Variants in ZFHX3 observed in about 807,000 individuals in gnomAD.
ZFHX3 encodes zinc finger homeobox 3, also known as zinc finger homeobox protein 3.
In ZFHX3, 42 loss-of-function variants were observed where a neutral mutation model predicts 279.1. That is an observed-to-expected ratio of 0.15 (90% confidence interval 0.12 to 0.19). The LOEUF is 0.19. ZFHX3 is among the 10% of genes least tolerant of loss of function. The pLI is 1.00. For synonymous variants in ZFHX3, 2,293 were observed against 1,957.8 expected (o/e 1.17, Z -4.52); for missense variants, 4,981 against 4,754.0 (o/e 1.05, Z -1.40).
At chr16:73,246,184 C>A (rs186646221) in intron 5 of ZFHX3, among the ~76,000 whole-genome samples, 1 of 152,054 alleles carries the variant, frequency 6.6e-6, no homozygotes, top group Non-Finnish European at 1.5e-5. Flanking sequence ...GATTCCAAGC[C>A]GCAGAGTTGT....
intron 4 of ZFHX3, among the ~76,000 whole-genome samples, chr16:72,851,144 G>A (rs980064457): frequency 1.3e-5 from 2 of 152,144 alleles, no homozygotes; most frequent in Non-Finnish European, 1.5e-5. Context: ...CAGTACGGAG[G>A]AGAGGAGAGT....
chr16:73,226,793 T>C (rs1215473572), intron 5 of ZFHX3, among the ~76,000 whole-genome samples: 2 of 152,212 alleles, frequency 1.3e-5, no homozygotes, highest in Non-Finnish European at 2.9e-5. Context: ...ATGGCTTTGA[T>C]TGCACTGTTC....
chr16:73,294,373 C>T (rs1366043741), intron 4 of ZFHX3: 2 of 152,228 alleles, frequency 1.3e-5, no homozygotes. Context: ...GCCCCTCTCC[C>T]CCAGGATGGA....
intron 1 of ZFHX3, among the ~76,000 whole-genome samples, chr16:73,882,295 T>C (rs948682938): frequency 1.3e-5 from 2 of 152,034 alleles, no homozygotes; most frequent in Non-Finnish European, 2.9e-5. Flanking sequence ...TCAGTGTGGC[T>C]GGAGTTGGAC....
intron 2 of ZFHX3, among the ~76,000 whole-genome samples, chr16:73,603,772 C>CT (rs11459049): frequency 0.22 from 23,478 of 105,170 alleles, 4,105 homozygotes; most frequent in African/African-American, 0.44. Context: ...AAAAAATACG[C>CT]TTTTTTTTTT....
At chr16:72,857,836 T>C (rs571581559) in intron 4 of ZFHX3, among the ~76,000 whole-genome samples, 1 of 152,198 alleles carries the variant, frequency 6.6e-6, no homozygotes, top group African/African-American at 2.4e-5. Flanking sequence ...ACTCTGAAGG[T>C]TGTATAATTC....
intron 1 of ZFHX3, among the ~76,000 whole-genome samples, chr16:73,861,482 T>C (rs957187292): frequency 3.3e-5 from 5 of 152,180 alleles, no homozygotes; most frequent in African/African-American, 7.2e-5. Context: ...AATGTGTTCA[T>C]TGAGGAAGCT....
intron 1 of ZFHX3, among the ~76,000 whole-genome samples, chr16:73,831,573 G>A (rs1960998672): frequency 6.6e-6 from 1 of 152,238 alleles, no homozygotes. Context: ...AGATTCTGCA[G>A]CCTCTCACAG....
intron 1 of ZFHX3, among the ~76,000 whole-genome samples, chr16:73,680,691 C>G (rs1178720532): frequency 6.6e-6 from 1 of 152,098 alleles, no homozygotes; most frequent in Non-Finnish European, 1.5e-5. Context: ...GACAGAGGTC[C>G]TAAGTTGAGG....
intron 2 of ZFHX3, among the ~76,000 whole-genome samples, chr16:73,536,772 G>C (rs1309432604): frequency 3.3e-5 from 5 of 152,104 alleles, no homozygotes; most frequent in Admixed American, 6.5e-5. Flanking sequence ...CGAGAGTCCG[G>C]ATTTGTCAGA....
intron 1 of ZFHX3, among the ~76,000 whole-genome samples, chr16:73,703,383 G>C (rs914275481): frequency 1.3e-5 from 2 of 150,222 alleles, no homozygotes; most frequent in Non-Finnish European, 3.0e-5. Context: ...CCCACCTAAA[G>C]AAAAAAATGA....
intron 2 of ZFHX3, among the ~76,000 whole-genome samples, chr16:73,508,408 T>C (rs1467390765): frequency 6.6e-6 from 1 of 152,118 alleles, no homozygotes; most frequent in Non-Finnish European, 1.5e-5. Flanking sequence ...GGAGCAGCAA[T>C]AAGCATGTTC....
At chr16:72,915,914 C>T (rs1338789502) in intron 3 of ZFHX3, among the ~76,000 whole-genome samples, 3 of 152,370 alleles carry the variant, frequency 2.0e-5, no homozygotes, top group South Asian at 2.1e-4. Context: ...ATCACCCACT[C>T]TAGACGTAAC....
chr16:73,849,554 T>C (rs900153403), intron 1 of ZFHX3, among the ~76,000 whole-genome samples: 1 of 152,218 alleles, frequency 6.6e-6, no homozygotes, highest in African/African-American at 2.4e-5. Flanking sequence ...TGGGAATGAT[T>C]ATGAAATGAG....
intron 8 of ZFHX3, among the ~76,000 whole-genome samples, chr16:73,076,903 A>G (rs1397940388): frequency 6.6e-6 from 1 of 152,122 alleles, no homozygotes; most frequent in Non-Finnish European, 1.5e-5. Flanking sequence ...GCACACACAC[A>G]CACACACGAC....
intron 2 of ZFHX3, among the ~76,000 whole-genome samples, chr16:73,599,790 A>C (rs977558533): frequency 6.6e-5 from 10 of 151,408 alleles, no homozygotes; most frequent in African/African-American, 2.4e-4. Context: ...ATACACTTCC[A>C]CCGGTATAAT....
chr16:73,193,364 G>C (rs1287727918), intron 5 of ZFHX3, among the ~76,000 whole-genome samples: 1 of 152,196 alleles, frequency 6.6e-6, no homozygotes, highest in Non-Finnish European at 1.5e-5. Context: ...CTGAGGAAAG[G>C]AGAGATGGGG....
chr16:73,022,115 G>A (rs553846623), intron 1 of ZFHX3, among the ~76,000 whole-genome samples: 52 of 152,270 alleles, frequency 3.4e-4, no homozygotes, highest in African/African-American at 1.2e-3. Context: ...ACTTAGTAAT[G>A]ATGTCCAGTG....
intron 2 of ZFHX3, among the ~76,000 whole-genome samples, chr16:73,549,454 T>C (rs1278533746): frequency 6.6e-6 from 1 of 152,146 alleles, no homozygotes; most frequent in Non-Finnish European, 1.5e-5. Flanking sequence ...AATATTTACG[T>C]TTTTCTATCT....
Sources: allele counts gnomAD v4.1 joint callset (sites outside exome capture counted in the v4.1 genomes callset), GRCh38; gene constraint gnomAD v4.1.1; transcripts MANE v1.5; gene names NCBI Gene and HGNC (gene_info 2026-07-23, HGNC 2026-07-21).